PCLO: variants seen among roughly 807,000 people sequenced by gnomAD.
PCLO encodes the protein protein piccolo.
PCLO carries 82 observed loss-of-function variants against 427.5 expected under a neutral mutation model. That is an observed-to-expected ratio of 0.19 (90% CI 0.16 to 0.23). PCLO has a LOEUF of 0.23. Among genes scored for constraint, PCLO ranks in the 10% least tolerant of loss-of-function variants. PCLO has a pLI of 1.00. For synonymous variants in PCLO, 2,357 were observed against 2,155.4 expected, an observed-to-expected ratio of 1.09 and a Z score of -2.59; for missense variants, 6,239 against 6,115.9, an observed-to-expected ratio of 1.02 and a Z score of -0.67.
rs1368570674 is a variant in PCLO, at chr7:82,868,388, A to G, written c.13654+10949T>C. 2.0e-5 allele frequency among the ~76,000 whole-genome samples: 3 copies of G among 152,286 alleles called. 1 individual carries two copies. Among genetic ancestry groups the G allele is most frequent in the Admixed American group, 2.0e-4 (3 of 15,274 alleles). ...TAAAATCAAAACCACCACTCCAAAA[A>G]CAGCTAATTTCATCCTTACTTCAAT... On this transcript the variant is annotated intron_variant, in intron 10 of 24. Transcript: ENST00000333891.
intron 3 of PCLO, among the ~76,000 whole-genome samples, chr7:82,980,667 T>C (rs754572908): frequency 2.0e-5 from 3 of 152,228 alleles, no homozygotes; most frequent in South Asian, 4.1e-4. Context: ...TTGAAGAGGA[T>C]AAGTTTACCC....
intron 3 of PCLO, among the ~76,000 whole-genome samples, chr7:82,991,662 A>C (rs776486789): frequency 5.3e-5 from 8 of 152,160 alleles, no homozygotes; most frequent in Non-Finnish European, 7.4e-5. Context: ...ATTTTAATTA[A>C]ACTTTTGTAG....
intron 3 of PCLO, among the ~76,000 whole-genome samples, chr7:83,037,485 G>A (rs767670830): frequency 2.6e-5 from 4 of 151,862 alleles, no homozygotes; most frequent in Non-Finnish European, 4.4e-5. Flanking sequence ...TCTGTTTGAA[G>A]AACATCAGAA....
intron 3 of PCLO, among the ~76,000 whole-genome samples, chr7:83,060,183 C>T (rs896691356): frequency 1.3e-5 from 2 of 152,048 alleles, no homozygotes; most frequent in African/African-American, 2.4e-5. Flanking sequence ...GTCTGTGAGC[C>T]CTCATTGGTG....
At chr7:82,811,930 T>A (rs1435640949) in intron 20 of PCLO, among the ~76,000 whole-genome samples, 1 of 150,896 alleles carries the variant, frequency 6.6e-6, no homozygotes, top group Non-Finnish European at 1.5e-5. Context: ...CAGATATATT[T>A]TATATATATA....
At position 82,966,477 on chromosome 7, in the gene PCLO, C is replaced by A; in HGVS notation, c.3311G>T (p.Trp1104Leu). ...CTGGGTTTGGCAATTTAAACAAAGC[C>A]ATTCTTGAATCTGTGGGAAAAAAAT... ...PTPHLTEIQEWLCLNCQTQRA... is the reference protein window; with the variant it reads ...PTPHLTEIQELLCLNCQTQRA... The change falls in exon 4 of 25, where the codon TGG becomes TTG. Residue 1104 changes from tryptophan to leucine, a missense_variant. Trp to Leu is a moderately conservative substitution (Grantham distance 61). Transcript: ENST00000333891. 1 of 1,567,442 alleles carries A rather than the reference C, an allele frequency of 6.4e-7. No individual in the cohort carries two copies. Among genetic ancestry groups the A allele is most frequent in the Middle Eastern group, 1.7e-4 (1 of 5,830 alleles).
At chr7:82,834,814 T>C (rs1395555256) in intron 16 of PCLO, among the ~76,000 whole-genome samples, 2 of 152,188 alleles carry the variant, frequency 1.3e-5, no homozygotes, top group Non-Finnish European at 2.9e-5. Context: ...AACTTATTGC[T>C]AATATACTAC....
chr7:83,047,945 A>G (rs984855084), intron 3 of PCLO, among the ~76,000 whole-genome samples: 2 of 151,850 alleles, frequency 1.3e-5, no homozygotes, highest in African/African-American at 4.8e-5. Flanking sequence ...TCTTAACGAA[A>G]CTCAGAAATG....
At chr7:83,093,164 T>A (rs1405979112) in intron 3 of PCLO, among the ~76,000 whole-genome samples, 1 of 151,806 alleles carries the variant, frequency 6.6e-6, no homozygotes, top group African/African-American at 2.4e-5. Flanking sequence ...AAAAATATTA[T>A]TTCACATTTT....
Position 82,915,796 on chromosome 7 carries a change from TG to T in PCLO, c.12189del (p.Ser4063ArgfsTer29). The T allele has an allele frequency of 6.2e-7, 1 of 1,612,926 alleles. No individual in the cohort carries two copies. Among genetic ancestry groups the T allele is most frequent in the Non-Finnish European group, 8.5e-7 (1 of 1,179,380 alleles). ...TCCTTTTCATGAAGGCTAAATGCGG[TG>T]CTTAATGCCGCTGTTCCTTTGGTGA... is the stretch of plus-strand genomic sequence containing the variant. ...GEITKGTAAL[S>X]TAFSLHEKDL... On this transcript the variant is annotated frameshift_variant, in exon 7 of 25. Coordinates refer to ENST00000333891, the MANE Select transcript of PCLO (RefSeq NM_033026.6). LOFTEE classifies it high-confidence loss of function.
chr7:83,049,343 A>G (rs570091400), intron 3 of PCLO, among the ~76,000 whole-genome samples: 9 of 152,304 alleles, frequency 5.9e-5, no homozygotes, highest in Admixed American at 3.9e-4. Context: ...AGTCAAGTCC[A>G]AGTTCCTACA....
At position 82,915,399 on chromosome 7, in the gene PCLO, A is replaced by G. The variant is rs774041515; in HGVS notation, c.12587T>C (p.Ile4196Thr). ...QKQSKHKKSL[I>T]DPKMSKFSPI... ...TGAAAATTTTGACATTTTAGGGTCA[A>G]TTAGTGATTTCTTATGCTTTGACTG... Residue 4196 changes from isoleucine to threonine, a missense_variant, in exon 7 of 25, where the codon ATT becomes ACT. Coordinates refer to ENST00000333891, the MANE Select transcript of PCLO (RefSeq NM_033026.6). 8.1e-6 allele frequency: 13 copies of G among 1,613,494 alleles called. No individual in the cohort carries two copies. The highest frequency in any genetic ancestry group is 6.6e-5 in the South Asian group (6 of 91,086).
chr7:82,993,505 A>G (rs1257938173), intron 3 of PCLO, among the ~76,000 whole-genome samples: 2 of 152,040 alleles, frequency 1.3e-5, no homozygotes, highest in Admixed American at 1.3e-4. Context: ...TTATTTAATC[A>G]TTCTAACTTT....
At chr7:82,995,258 G>GA (rs1562905885) in intron 3 of PCLO, among the ~76,000 whole-genome samples, 1 of 151,988 alleles carries the variant, frequency 6.6e-6, no homozygotes, top group Non-Finnish European at 1.5e-5. Context: ...TCCAGTACTG[G>GA]ATGCTGAGGG....
In PCLO at chr7:82,847,255, G is replaced by A. The variant is rs779331958; in HGVS notation, c.13655-8C>T. The A allele has an allele frequency of 1.4e-6, 2 of 1,473,938 alleles. No individual in the cohort carries two copies. The highest frequency in any genetic ancestry group is 2.3e-5 in the South Asian group (2 of 86,092). 91.3% of individuals were successfully genotyped at this position (1,473,938 alleles called of 1,614,324 possible). A position where few individuals can be genotyped will look rare whatever the true frequency, so the allele number is the denominator to read the frequency against. Reference sequence around the variant, plus strand: ...ATTCCAATACTTGCATCCCTAGAAAGACAAATTTGAATATAAAATCAAACG... The same window carrying A: ...ATTCCAATACTTGCATCCCTAGAAAAACAAATTTGAATATAAAATCAAACG... On this transcript the variant is annotated splice_region_variant and splice_polypyrimidine_tract_variant and intron_variant, in intron 10 of 24. Transcript: ENST00000333891.
At chr7:82,780,528 TG>T (rs1393690723) in intron 22 of PCLO, among the ~76,000 whole-genome samples, 5 of 132,760 alleles carry the variant, frequency 3.8e-5, no homozygotes, top group Non-Finnish European at 9.0e-5. Flanking sequence ...GCCTCTTGTA[TG>T]TTTTTGTTTG....
At chr7:83,024,622 C>T (rs1241753977) in intron 3 of PCLO, among the ~76,000 whole-genome samples, 1 of 152,188 alleles carries the variant, frequency 6.6e-6, no homozygotes, top group Non-Finnish European at 1.5e-5. Flanking sequence ...AGGAGGCCTG[C>T]CTGCCTCTGT....
chr7:82,839,292 G>A (rs190898790), intron 14 of PCLO, among the ~76,000 whole-genome samples: 69 of 152,104 alleles, frequency 4.5e-4, no homozygotes, highest in African/African-American at 1.6e-3. Context: ...ACTCAGATGA[G>A]TCATACTTTC....
chr7:82,759,795 G>A (rs938164611), intron 24 of PCLO, among the ~76,000 whole-genome samples: 1 of 151,458 alleles, frequency 6.6e-6, no homozygotes, highest in Non-Finnish European at 1.5e-5. Flanking sequence ...ATCTACTAAA[G>A]ACGTACTATG....
Sources: gnomAD v4.1 joint callset for allele counts (sites outside exome capture counted in the v4.1 genomes callset) on GRCh38, gnomAD v4.1.1 for gene constraint, MANE v1.5 for transcripts, NCBI Gene and HGNC (gene_info 2026-07-23, HGNC 2026-07-21) for gene names.